The following FRAS1 variants were observed in gnomAD, a reference collection of about 807,000 sequenced individuals.
The protein encoded by FRAS1 is Fraser extracellular matrix complex subunit 1.
A neutral mutation model predicts 435.2 loss-of-function variants in FRAS1; 290 were observed. That is an observed-to-expected ratio of 0.67 (90% confidence interval 0.61 to 0.73). FRAS1 has a LOEUF of 0.73. FRAS1 is among the 30% of genes least tolerant of loss of function. The probability of loss-of-function intolerance (pLI) is 0.00; values close to 1 mark genes in which losing one functional copy is unlikely to be tolerated. For synonymous variants in FRAS1, 1,800 were observed against 1,851.0 expected (o/e 0.97, Z 0.71); for missense variants, 4,860 against 5,001.5 (o/e 0.97, Z 0.85).
At chr4:78,246,201 T>G (rs953251361) in intron 4 of FRAS1, among the ~76,000 whole-genome samples, 2 of 152,212 alleles carry the variant, frequency 1.3e-5, no homozygotes, top group African/African-American at 4.8e-5. Flanking sequence ...TACGGTTGAA[T>G]ATGATGGAAA....
chr4:78,450,097 C>T (rs1386473468), intron 44 of FRAS1, 54 bp from the exon 45 acceptor site: 2 of 1,419,586 alleles, frequency 1.4e-6, no homozygotes, highest in African/African-American at 1.4e-5. Context: ...CATTTGACAT[C>T]CCGTTCAAAG....
At chr4:78,093,958 G>A (rs2109904178) in intron 2 of FRAS1, among the ~76,000 whole-genome samples, 2 of 152,182 alleles carry the variant, frequency 1.3e-5, no homozygotes, top group South Asian at 4.2e-4. Flanking sequence ...ATCAGTTTAT[G>A]AAGCTCACCC....
At chr4:78,191,468 C>A (rs11731155) in intron 2 of FRAS1, among the ~76,000 whole-genome samples, 1 of 150,762 alleles carries the variant, frequency 6.6e-6, no homozygotes, top group Non-Finnish European at 1.5e-5. Context: ...ATTACAGTAA[C>A]GTGAAAAAAT....
chr4:78,141,562 G>A (rs1018790576), intron 2 of FRAS1, among the ~76,000 whole-genome samples: 2 of 152,104 alleles, frequency 1.3e-5, no homozygotes, highest in East Asian at 3.9e-4. Flanking sequence ...ATCCAGGAGA[G>A]GAAAGGTCCA....
intron 2 of FRAS1, among the ~76,000 whole-genome samples, chr4:78,100,831 G>A (rs1056953213): frequency 6.6e-6 from 1 of 152,102 alleles, no homozygotes; most frequent in African/African-American, 2.4e-5. Context: ...TACAATCAAG[G>A]ACTATGAGGC....
chr4:78,458,646 A>G (rs1422885253), intron 47 of FRAS1, among the ~76,000 whole-genome samples: 1 of 152,180 alleles, frequency 6.6e-6, no homozygotes, highest in African/African-American at 2.4e-5. Flanking sequence ...AAACTTCAGC[A>G]TCACACAATA....
chr4:78,143,372 AAACAC>A (rs1156816221), intron 2 of FRAS1, among the ~76,000 whole-genome samples: 1 of 152,198 alleles, frequency 6.6e-6, no homozygotes, highest in African/African-American at 2.4e-5. Flanking sequence ...AGAAATAGAC[AAACAC>A]AATTACAAGG....
chr4:78,514,788 C>T (rs549241461), intron 65 of FRAS1, among the ~76,000 whole-genome samples: 80 of 152,020 alleles, frequency 5.3e-4, no homozygotes, highest in Non-Finnish European at 9.7e-4. Flanking sequence ...TTAACCCAGC[C>T]GGGTGCAGTG....
At chr4:78,291,757 A>G (rs1560631583) in intron 14 of FRAS1, among the ~76,000 whole-genome samples, 1 of 152,186 alleles carries the variant, frequency 6.6e-6, no homozygotes, top group African/African-American at 2.4e-5. Flanking sequence ...GCTTATAGAG[A>G]TGTAAAATAA....
intron 14 of FRAS1, among the ~76,000 whole-genome samples, chr4:78,304,134 T>C (rs1367811448): frequency 6.7e-6 from 1 of 149,812 alleles, no homozygotes; most frequent in East Asian, 1.9e-4. Context: ...TTGTCTTTGG[T>C]TCTGTTTATA....
intron 14 of FRAS1, among the ~76,000 whole-genome samples, chr4:78,304,123 T>A (rs2110212384): frequency 6.7e-6 from 1 of 149,788 alleles, no homozygotes; most frequent in South Asian, 2.1e-4. Context: ...TCATGTGGTT[T>A]TTGTCTTTGG....
At chr4:78,058,113 T>C (rs1349207441) in intron 1 of FRAS1, 28 bp downstream of exon 1, 3 of 1,576,100 alleles carry the variant, frequency 1.9e-6, no homozygotes, top group Admixed American at 1.7e-5. Context: ...CGTGTGTGTG[T>C]GTGTGTGCGT....
In FRAS1 at chr4:78,369,778, T is replaced by A. The variant is rs1175829098; in HGVS notation, c.2723-60T>A. 4.7e-6 allele frequency: 7 copies of A among 1,496,132 alleles called. No homozygotes were observed. The Middle Eastern group carries it at 5.3e-4, about 113-fold the overall frequency. 92.7% of individuals were successfully genotyped at this position (1,496,132 alleles called of 1,614,324 possible). The stretch of plus-strand genomic sequence containing the variant: ...CTATGCAACATCTGTCTAGGTTTGA[T>A]CAGTGCTTCAGTATTTGCAATTGTA... On this transcript the variant is annotated intron_variant, in intron 22 of 73. Coordinates refer to ENST00000512123, the MANE Select transcript of FRAS1 (RefSeq NM_025074.7).
chr4:78,456,429 CA>C (rs1379195470), intron 47 of FRAS1, among the ~76,000 whole-genome samples: 1 of 152,158 alleles, frequency 6.6e-6, no homozygotes, highest in African/African-American at 2.4e-5. Flanking sequence ...AGGCATGAGC[CA>C]TGTACCAGGC....
At chr4:78,181,824 G>C in intron 2 of FRAS1, 2 of 1,612,106 alleles carry the variant, frequency 1.2e-6, no homozygotes, top group Middle Eastern at 2.2e-4. Context: ...CGGTCTTTCT[G>C]GGACTCCTTG....
At chr4:78,098,285 T>G (rs1741924465) in intron 2 of FRAS1, among the ~76,000 whole-genome samples, 2 of 150,352 alleles carry the variant, frequency 1.3e-5, no homozygotes, top group South Asian at 4.2e-4. Context: ...TCTTTTTTTT[T>G]TTTTTTTGGA....
At chr4:78,499,609 C>A in intron 60 of FRAS1, 112 bp from the exon 61 acceptor site, 1 of 992,670 alleles carries the variant, frequency 1.0e-6, no homozygotes, top group Non-Finnish European at 1.5e-6. Flanking sequence ...TGCCTTCATA[C>A]TGTTAACTAA....
chr4:78,441,793 C>T (rs1430446170), intron 41 of FRAS1, among the ~76,000 whole-genome samples: 1 of 152,184 alleles, frequency 6.6e-6, no homozygotes, highest in Admixed American at 6.5e-5. Flanking sequence ...TCTGTCTCAG[C>T]TCCTTCTACA....
intron 2 of FRAS1, among the ~76,000 whole-genome samples, chr4:78,079,584 G>A (rs567896074): frequency 2.6e-5 from 4 of 152,228 alleles, no homozygotes; most frequent in South Asian, 4.2e-4. Flanking sequence ...GTATATATGC[G>A]TTCACATGAT....
Sources: gnomAD v4.1 joint callset for allele counts (sites outside exome capture counted in the v4.1 genomes callset) on GRCh38, gnomAD v4.1.1 for gene constraint, MANE v1.5 for transcripts, NCBI Gene and HGNC (gene_info 2026-07-23, HGNC 2026-07-21) for gene names.